The following ATP11B variants were observed in gnomAD, a reference collection of about 807,000 sequenced individuals.
ATP11B encodes phospholipid-transporting ATPase IF.
Under a neutral mutation model 157.8 loss-of-function variants are expected in ATP11B, and 81 were observed. That is an observed-to-expected ratio of 0.51 (90% CI 0.43 to 0.62). ATP11B has a LOEUF of 0.62. Among genes scored for constraint, ATP11B ranks in the 20% least tolerant of loss-of-function variants. The pLI is 0.00. For synonymous variants in ATP11B, 451 were observed against 469.4 expected, an observed-to-expected ratio of 0.96 and a Z score of 0.51; for missense variants, 1,165 against 1,402.2, an observed-to-expected ratio of 0.83 and a Z score of 2.70.
At chr3:182,902,677 C>A in intron 28 of ATP11B, 2 of 467,480 alleles carry the variant, frequency 4.3e-6, no homozygotes, top group Non-Finnish European at 7.0e-6. Flanking sequence ...TTTTTGTTAG[C>A]ATGGCCCTGT....
rs139818348 is a variant in ATP11B, at chr3:182,826,876, A to G, written c.145-1244A>G. 4.8e-3 allele frequency among the ~76,000 whole-genome samples: 732 copies of G among 152,274 alleles called. 7 individuals carry two copies. The highest frequency in any genetic ancestry group is 0.017 in the African/African-American group (705 of 41,564). On this transcript the variant is annotated intron_variant, in intron 2 of 29. Transcript: ENST00000323116. ...GTGAACTTTTGACAATGAAAATCCAAAAATTAGAGCCATCTGACATGACAC... is the reference window on the plus strand; with the variant it reads ...GTGAACTTTTGACAATGAAAATCCAGAAATTAGAGCCATCTGACATGACAC...
intron 28 of ATP11B, among the ~76,000 whole-genome samples, chr3:182,901,751 T>G (rs1466373573): frequency 6.6e-6 from 1 of 152,248 alleles, no homozygotes; most frequent in African/African-American, 2.4e-5. Flanking sequence ...TAGGAAATAT[T>G]TGGGCTACCT....
At position 182,869,171 on chromosome 3, in the gene ATP11B, A is replaced by G. The variant is rs1191810888; in HGVS notation, c.1762+20A>G. 5.0e-6 allele frequency: 8 copies of G among 1,602,086 alleles called. No individual in the cohort carries two copies. The African/African-American group carries it at 5.4e-5, about 11-fold the overall frequency. On this transcript the variant is annotated intron_variant, in intron 16 of 29. Transcript: ENST00000323116. ...CTTCAGGTAACCAATCTAAACTTTC[A>G]TGAATTTTTATTTATGTAATATTAA... is the stretch of plus-strand genomic sequence containing the variant.
intron 17 of ATP11B, among the ~76,000 whole-genome samples, 198 bp from the exon 18 acceptor site, chr3:182,872,158 G>C (rs181368189): frequency 5.9e-4 from 90 of 152,276 alleles, no homozygotes; most frequent in African/African-American, 2.2e-3. Flanking sequence ...GTTGAAAGAG[G>C]TATATGTGTC....
chr3:182,835,016 T>G (rs952584562), intron 4 of ATP11B, among the ~76,000 whole-genome samples: 62 of 152,174 alleles, frequency 4.1e-4, no homozygotes, highest in African/African-American at 1.4e-3. Context: ...GACAATATAT[T>G]TACTATTCAT....
chr3:182,917,862 T>C, intron 29 of ATP11B, 161 bp from the exon 30 acceptor site: 2 of 981,758 alleles, frequency 2.0e-6, no homozygotes, highest in Non-Finnish European at 2.4e-6. Flanking sequence ...ATAATATAAA[T>C]AGAAAGTTTG....
chr3:182,872,490 C>G lies in ATP11B; in HGVS notation c.2001C>G (p.Phe667Leu). 6.2e-7 allele frequency: 1 copy of G among 1,614,054 alleles called. No homozygotes were observed. Among genetic ancestry groups the G allele is most frequent in the Non-Finnish European group, 8.5e-7 (1 of 1,179,966 alleles). The change falls in exon 18 of 30, where the codon TTC becomes TTG. Residue 667 changes from phenylalanine (F) to leucine (L), a missense_variant. Coordinates refer to ENST00000323116, the MANE Select transcript of ATP11B (RefSeq NM_014616.3). ...AGAAATTGGCAGCTGTTTTCCAGTT[C>G]ATAGAGAAAGACCTGATATTACTTG... ...REEKLAAVFQ[F>L]IEKDLILLGA...
intron 12 of ATP11B, among the ~76,000 whole-genome samples, chr3:182,862,121 A>T (rs1298989286): frequency 1.3e-5 from 2 of 151,880 alleles, no homozygotes; most frequent in Non-Finnish European, 1.5e-5. Flanking sequence ...TACTAGCTGG[A>T]ATACAAAAAT....
At chr3:182,853,380 G>A (rs1342887519) in intron 10 of ATP11B, among the ~76,000 whole-genome samples, 1 of 151,950 alleles carries the variant, frequency 6.6e-6, no homozygotes, top group Non-Finnish European at 1.5e-5. Context: ...GCTCATTTTT[G>A]TATTTTTTAG....
intron 1 of ATP11B, among the ~76,000 whole-genome samples, chr3:182,816,574 AAT>A (rs1459157875): frequency 1.3e-5 from 2 of 152,226 alleles, no homozygotes; most frequent in Non-Finnish European, 2.9e-5. Context: ...TAATTTTGTT[AAT>A]AGTTTGTTTT....
chr3:182,870,293 G>A (rs1039498888), intron 17 of ATP11B, among the ~76,000 whole-genome samples: 7 of 152,144 alleles, frequency 4.6e-5, no homozygotes, highest in African/African-American at 1.4e-4. Flanking sequence ...CATGTAAATG[G>A]CAAAATTATT....
chr3:182,903,744 CTT>C (rs1724133153), intron 28 of ATP11B, among the ~76,000 whole-genome samples: 1 of 152,246 alleles, frequency 6.6e-6, no homozygotes, highest in Admixed American at 6.5e-5. Flanking sequence ...CAGTAGGTGA[CTT>C]TAAAAACAGT....
intron 28 of ATP11B, among the ~76,000 whole-genome samples, chr3:182,900,407 A>G (rs531660995): frequency 2.0e-5 from 3 of 152,338 alleles, no homozygotes; most frequent in Non-Finnish European, 4.4e-5. Flanking sequence ...AGTTATCATT[A>G]TAAGTAAAAT....
intron 21 of ATP11B, among the ~76,000 whole-genome samples, chr3:182,882,695 A>G (rs1237645622): frequency 6.6e-6 from 1 of 152,182 alleles, no homozygotes; most frequent in Non-Finnish European, 1.5e-5. Context: ...ATAGTTAATT[A>G]TAGGGAAAAG....
chr3:182,845,009 T>TTTTTTTTTTTTTTTA (rs1560081876), intron 8 of ATP11B, among the ~76,000 whole-genome samples: 75 of 112,072 alleles, frequency 6.7e-4, no homozygotes, highest in Non-Finnish European at 9.9e-4. Context: ...TTTTTTTATT[T>TTTTTTTTTTTTTTTA]TTTTTTATTT....
chr3:182,857,946 T>C lies in ATP11B; in HGVS notation c.920T>C (p.Leu307Ser). Residue 307 changes from leucine (L) to serine (S), a missense_variant, in exon 11 of 30, where the codon TTG (leucine) becomes TCG (serine). Physicochemically the swap from Leu to Ser is moderately radical, Grantham distance 145. Around this residue, in one of 4 missense-constraint regions of ATP11B, gnomAD observed 737 missense variants for 930.5 expected, o/e 0.79. Transcript: ENST00000323116. ...TCTGAAGCTGTCATCAGCACTATCT[T>C]GAAGTATACATGGCAAGCTGAAGAA... ...LISEAVISTI[L>S]KYTWQAEEKW... 2 of 1,605,136 alleles carry C rather than the reference T, an allele frequency of 1.2e-6. No homozygotes were observed. The highest frequency in any genetic ancestry group is 4.5e-5 in the East Asian group (2 of 44,796).
chr3:182,910,846 T>TA (rs1724727229), intron 28 of ATP11B, among the ~76,000 whole-genome samples: 2 of 152,234 alleles, frequency 1.3e-5, no homozygotes, highest in East Asian at 3.8e-4. Context: ...ACCAGTTTGT[T>TA]ATTTTCTTGT....
rs113076961 is a variant in ATP11B at position 182,827,929 on chromosome 3, G to A, written c.145-191G>A. ...ATTAAGCTAAAATTGCCAATAAATAGTAAAAGGAAGAAAAAAGGGAAGTAG... is the reference window on the plus strand; with the variant it reads ...ATTAAGCTAAAATTGCCAATAAATAATAAAAGGAAGAAAAAAGGGAAGTAG... On this transcript the variant is annotated intron_variant, in intron 2 of 29. Coordinates refer to ENST00000323116, the MANE Select transcript of ATP11B (RefSeq NM_014616.3). Among the ~76,000 whole-genome samples the A allele has an allele frequency of 2.4e-3, 365 of 151,772 alleles. 4 individuals are homozygous for A. Among genetic ancestry groups the A allele is most frequent in the African/African-American group, 8.5e-3 (352 of 41,448 alleles).
intron 10 of ATP11B, among the ~76,000 whole-genome samples, chr3:182,849,470 T>G (rs981088798): frequency 6.6e-6 from 1 of 152,208 alleles, no homozygotes; most frequent in Non-Finnish European, 1.5e-5. Context: ...ATGATCCAGA[T>G]CTTGCATTTA....
Sources: gnomAD v4.1 joint callset for allele counts (sites outside exome capture counted in the v4.1 genomes callset) on GRCh38, gnomAD v4.1.1 for gene constraint, gnomAD v4.1.1 regional missense constraint, MANE v1.5 for transcripts, NCBI Gene and HGNC (gene_info 2026-07-23, HGNC 2026-07-21) for gene names.